PCDHGA5: variants seen among roughly 807,000 people sequenced by gnomAD.
The protein encoded by PCDHGA5 is protocadherin gamma-A5.
A neutral mutation model predicts 56.7 loss-of-function variants in PCDHGA5; 36 were observed. The ratio of observed to expected loss-of-function variants is 0.64; its 90% CI spans 0.49 to 0.84. PCDHGA5 has a LOEUF of 0.84. Among genes scored for constraint, PCDHGA5 ranks in the 40% least tolerant of loss-of-function variants. The probability of loss-of-function intolerance (pLI) is 0.00; values close to 1 mark genes in which losing one functional copy is unlikely to be tolerated. For missense variants in PCDHGA5, 1,305 were observed against 1,201.5 expected, an observed-to-expected ratio of 1.09 and a Z score of -1.27; for synonymous variants, 563 against 520.2, an observed-to-expected ratio of 1.08 and a Z score of -1.12.
chr5:141,378,325 C>A (rs1344220335), intron 1 of PCDHGA5: 3 of 152,200 alleles, frequency 2.0e-5, no homozygotes, highest in African/African-American at 7.2e-5. Flanking sequence ...GAGTTCGAGA[C>A]CAGCCTGACC....
chr5:141,376,170 C>T (rs1415388106), intron 1 of PCDHGA5: 2 of 1,614,112 alleles, frequency 1.2e-6, no homozygotes, highest in South Asian at 1.1e-5. Flanking sequence ...CTGGTGGTGG[C>T]GGTGGCCGCG....
intron 1 of PCDHGA5, chr5:141,430,946 G>C: frequency 6.2e-7 from 1 of 1,609,494 alleles, no homozygotes. Context: ...CGCGGAGCGC[G>C]GAGTCCGCAT....
rs115982940 is a variant in PCDHGA5, at chr5:141,457,996, G to A, written c.2422-36811G>A. On this transcript the variant is annotated intron_variant, in intron 1 of 3. Transcript: ENST00000518069. ...AACACACCCTTTCAGTTAAAGCCTTGGCAAAATAACCGGTTTTTCCAATTG... is the reference window on the plus strand; with the variant it reads ...AACACACCCTTTCAGTTAAAGCCTTAGCAAAATAACCGGTTTTTCCAATTG... Among the ~76,000 whole-genome samples the A allele has an allele frequency of 2.4e-3, 372 of 152,212 alleles. 2 individuals carry two copies. Among genetic ancestry groups the A allele is most frequent in the African/African-American group, 8.4e-3 (347 of 41,522 alleles).
chr5:141,412,973 C>G, intron 1 of PCDHGA5: 1 of 528,318 alleles, frequency 1.9e-6, no homozygotes, highest in Non-Finnish European at 3.3e-6. Flanking sequence ...GGAGAGAAAA[C>G]GCAGCCAGAG....
chr5:141,430,509 G>T, intron 1 of PCDHGA5: 1 of 328,564 alleles, frequency 3.0e-6, no homozygotes. Flanking sequence ...GGGAGTTCAA[G>T]ATTGTGCAGT....
chr5:141,364,632 T>A lies in PCDHGA5; in HGVS notation c.302T>A (p.Leu101Gln). The A allele has an allele frequency of 6.2e-7, 1 of 1,614,142 alleles. No individual in the cohort carries two copies. The highest frequency in any genetic ancestry group is 8.5e-7 in the Non-Finnish European group (1 of 1,179,964). Residue 101 changes from leucine (L) to glutamine (Q), a missense_variant, in exon 1 of 4, where the codon CTG becomes CAG. Leu to Gln is a moderately radical substitution (Grantham distance 113). Coordinates refer to ENST00000518069, the MANE Select transcript of PCDHGA5 (RefSeq NM_018918.3). ...DREELCAQSPLCVVNFNILVE... is the reference protein window; with the variant it reads ...DREELCAQSPQCVVNFNILVE... ...GAGGAGCTCTGCGCTCAGAGCCCAC[T>A]GTGTGTGGTGAACTTTAACATCTTG...
intron 1 of PCDHGA5, chr5:141,376,302 T>C (rs763012052): frequency 1.2e-6 from 2 of 1,614,166 alleles, no homozygotes; most frequent in South Asian, 2.2e-5. Context: ...GGCTCGCACT[T>C]TGTGGGCGTG....
chr5:141,434,621 G>A (rs980508411), intron 1 of PCDHGA5, among the ~76,000 whole-genome samples: 1 of 151,966 alleles, frequency 6.6e-6, no homozygotes, highest in Non-Finnish European at 1.5e-5. Flanking sequence ...CCATCTCTTC[G>A]TTTCCCATAA....
rs1193465026 is a variant in PCDHGA5, at chr5:141,366,734, G to A, written c.2404G>A (p.Glu802Lys). The change falls in exon 1 of 4, where the codon GAA becomes AAA. Residue 802 changes from glutamate to lysine, a missense_variant. Physicochemically the swap from Glu to Lys is moderately conservative, Grantham distance 56 (BLOSUM62 1). Coordinates refer to ENST00000518069, the MANE Select transcript of PCDHGA5 (RefSeq NM_018918.3). ...GTCTGATAAGGTAGATGCAAACAAA[G>A]AAGAACGGCGAGTTCAGGTTAGTTT... ...LMSDKVDANKEERRVQQAPPN... is the reference protein window; with the variant it reads ...LMSDKVDANKKERRVQQAPPN... The A allele has an allele frequency of 6.2e-7, 1 of 1,612,554 alleles. No individual in the cohort carries two copies. Among genetic ancestry groups the A allele is most frequent in the Admixed American group, 1.7e-5 (1 of 59,972 alleles).
chr5:141,413,283 C>A lies in PCDHGA5; in HGVS notation c.2421+46532C>A, dbSNP rs377443382. On this transcript the variant is annotated intron_variant, in intron 1 of 3. Coordinates refer to ENST00000518069, the MANE Select transcript of PCDHGA5 (RefSeq NM_018918.3). ...GGGAGGCTGGAGCCCGGCAGATCTC[C>A]TACTCAATTCCTGAGGAATTAGAGA... The A allele has an allele frequency of 3.6e-5, 58 of 1,613,848 alleles. No individual in the cohort carries two copies. The African/African-American group carries it at 7.6e-4, about 21-fold the overall frequency.
intron 1 of PCDHGA5, chr5:141,411,845 G>C (rs984420523): frequency 6.6e-6 from 1 of 151,920 alleles, no homozygotes; most frequent in Non-Finnish European, 1.5e-5. Context: ...AGGTGACAGA[G>C]TGAGACCCTG....
intron 3 of PCDHGA5, among the ~76,000 whole-genome samples, chr5:141,509,419 T>C (rs2154594533): frequency 6.6e-6 from 1 of 152,216 alleles, no homozygotes; most frequent in South Asian, 2.1e-4. Flanking sequence ...CGAGCCCCAA[T>C]GAGTCAAACT....
In PCDHGA5 at chr5:141,418,814, A is replaced by G. The variant is rs2096290321; in HGVS notation, c.2421+52063A>G. ...AGAAGTAGAAAGATATACGATAAACATAGAAGCAAAAGACCGAGGATCTCT... is the reference window on the plus strand; with the variant it reads ...AGAAGTAGAAAGATATACGATAAACGTAGAAGCAAAAGACCGAGGATCTCT... On this transcript the variant is annotated intron_variant, in intron 1 of 3. Transcript: ENST00000518069. The G allele has an allele frequency of 6.2e-7, 1 of 1,613,962 alleles. No individual in the cohort carries two copies.
chr5:141,394,347 G>C (rs770737407), intron 1 of PCDHGA5: 1 of 1,614,118 alleles, frequency 6.2e-7, no homozygotes, highest in Non-Finnish European at 8.5e-7. Flanking sequence ...CTCTGACACC[G>C]GTGTCCTGTA....
At chr5:141,400,776 G>GT (rs1167512157) in intron 1 of PCDHGA5, 4 of 557,602 alleles carry the variant, frequency 7.2e-6, no homozygotes, top group Non-Finnish European at 1.3e-5. Flanking sequence ...CATTTGGTGC[G>GT]TTTTTTTGTC....
chr5:141,500,688 T>C (rs2099802014), intron 2 of PCDHGA5, among the ~76,000 whole-genome samples: 1 of 152,224 alleles, frequency 6.6e-6, no homozygotes, highest in Non-Finnish European at 1.5e-5. Flanking sequence ...TATAGCTTTT[T>C]TCTTCTTTGC....
chr5:141,381,910 A>G (rs1007248325), intron 1 of PCDHGA5, among the ~76,000 whole-genome samples: 10 of 130,320 alleles, frequency 7.7e-5, no homozygotes, highest in Admixed American at 5.1e-4. Context: ...GCTCACCACA[A>G]CCTCCACCTC....
At chr5:141,371,490 G>A in intron 1 of PCDHGA5, 1 of 1,613,890 alleles carries the variant, frequency 6.2e-7, no homozygotes, top group African/African-American at 1.3e-5. Context: ...GGGGACTGCC[G>A]TTGCCCTGAT....
chr5:141,396,492 C>G (rs970666488), intron 1 of PCDHGA5: 1 of 151,944 alleles, frequency 6.6e-6, no homozygotes, highest in Non-Finnish European at 1.5e-5. Context: ...TGGTGGCATG[C>G]GCCTGTGGTC....
Sources: gnomAD v4.1 joint callset for allele counts (sites outside exome capture counted in the v4.1 genomes callset) on GRCh38, gnomAD v4.1.1 for gene constraint, MANE v1.5 for transcripts, NCBI Gene and HGNC (gene_info 2026-07-23, HGNC 2026-07-21) for gene names.